TNC: variants seen among roughly 807,000 people sequenced by gnomAD.
TNC encodes tenascin.
In TNC, 109 loss-of-function variants were observed where a neutral mutation model predicts 202.4. The ratio of observed to expected loss-of-function variants is 0.54; its 90% CI spans 0.46 to 0.63. The LOEUF is 0.63. Ranked by LOEUF, TNC falls within the 30% of genes least tolerant of loss-of-function variation. The probability of loss-of-function intolerance (pLI) is 0.00; values close to 1 mark genes in which losing one functional copy is unlikely to be tolerated. For missense variants in TNC, 2,756 were observed against 2,833.3 expected (o/e 0.97, Z 0.62); for synonymous variants, 1,007 against 1,089.7 (o/e 0.92, Z 1.50).
Position 115,046,485 on chromosome 9 carries a change from T to C in TNC, c.5050A>G (p.Thr1684Ala). The C allele has an allele frequency of 6.2e-7, 1 of 1,614,204 alleles. No individual in the cohort carries two copies. The highest frequency in any genetic ancestry group is 8.5e-7 in the Non-Finnish European group (1 of 1,180,008). Residue 1684 changes from threonine to alanine, a missense_variant, in exon 17 of 28, where the codon ACT becomes GCT. Thr to Ala is a moderately conservative substitution (Grantham distance 58). This residue lies in a region of TNC where 2,559 missense variants were observed against 2,546.0 expected (regional missense o/e 1.01). Transcript: ENST00000350763. Reference protein sequence around the residue: ...TRDITGLREATEYEIELYGIS... With the variant: ...TRDITGLREAAEYEIELYGIS... ...CCATAGAGTTCAATTTCGTATTCAGTAGCCTCTCTGAGACCTGTTATGTCC... is the reference window on the plus strand; with the variant it reads ...CCATAGAGTTCAATTTCGTATTCAGCAGCCTCTCTGAGACCTGTTATGTCC...
At chr9:115,035,915 G>C in intron 21 of TNC, 183 bp downstream of exon 21, 2 of 677,074 alleles carry the variant, frequency 3.0e-6, no homozygotes, top group South Asian at 2.3e-5. Context: ...AGTTCAAAAG[G>C]AAATAGTGTG....
chr9:115,077,984 C>A lies in TNC; in HGVS notation c.2633G>T (p.Gly878Val). 1 of 1,614,230 alleles carries A rather than the reference C, an allele frequency of 6.2e-7. No homozygotes were observed. The highest frequency in any genetic ancestry group is 1.1e-5 in the South Asian group (1 of 91,086). The change falls in exon 7 of 28, where the codon GGT becomes GTT. Residue 878 changes from glycine (G) to valine (V), a missense_variant. Gly to Val is a moderately radical substitution (Grantham distance 109). Transcript: ENST00000350763. ...TTTGGCTGGGTTGCTTGACATGTCACCTCTGCGGGAGATGAGGGACACCTC... is the reference window on the plus strand; with the variant it reads ...TTTGGCTGGGTTGCTTGACATGTCAACTCTGCGGGAGATGAGGGACACCTC... ...EYEVSLISRR[G>V]DMSSNPAKET... is the part of the protein sequence containing the mutation.
intron 1 of TNC, chr9:115,114,967 CAT>C (rs1293014368): frequency 3.3e-5 from 5 of 152,066 alleles, no homozygotes; most frequent in Non-Finnish European, 5.9e-5. Flanking sequence ...CACAAAAGGA[CAT>C]ATATTTCGAG....
intron 10 of TNC, among the ~76,000 whole-genome samples, chr9:115,065,418 C>A (rs753508930): frequency 6.6e-6 from 1 of 152,084 alleles, no homozygotes; most frequent in Non-Finnish European, 1.5e-5. Context: ...CAAAAAATTT[C>A]TTTTGCCTTC....
rs1202427698 is a variant in TNC, at chr9:115,063,977, C to A, written c.3579G>T (p.Glu1193Asp). ...LNWTAPEGAY[E>D]YFFIQVQEAD... ...CCTCCTGCACCTGAATGAAAAAGTA[C>A]TCATAGGCCCCTTCTGGAGCAGTCC... The change falls in exon 12 of 28, where the codon GAG (glutamate) becomes GAT (aspartate). Residue 1193 changes from glutamate (E) to aspartate (D), a missense_variant. Transcript: ENST00000350763. 1.9e-5 allele frequency: 31 copies of A among 1,613,986 alleles called. No homozygotes were observed. The Admixed American group carries it at 5.2e-4, about 27-fold the overall frequency.
At chr9:115,071,610 C>T (rs1487424524) in intron 10 of TNC, among the ~76,000 whole-genome samples, 4 of 152,090 alleles carry the variant, frequency 2.6e-5, no homozygotes, top group Middle Eastern at 3.4e-3. Context: ...GTGGCCATCA[C>T]CAGAAGGTGG....
intron 1 of TNC, among the ~76,000 whole-genome samples, chr9:115,114,449 G>A (rs572343549): frequency 6.6e-6 from 1 of 152,314 alleles, no homozygotes; most frequent in Admixed American, 6.5e-5. Flanking sequence ...ATGAAAATCA[G>A]CAGGAGTGAC....
intron 5 of TNC, 56 bp from the exon 6 acceptor site, chr9:115,081,984 A>G: frequency 6.7e-7 from 1 of 1,488,792 alleles, no homozygotes; most frequent in African/African-American, 1.4e-5. Context: ...CTCTTAATTT[A>G]TGTGATTCAT....
chr9:115,095,968 T>A (rs952108160), intron 1 of TNC, among the ~76,000 whole-genome samples: 22 of 152,118 alleles, frequency 1.4e-4, no homozygotes, highest in African/African-American at 5.3e-4. Context: ...GGGTCCCATA[T>A]CCAGGACAAA....
intron 1 of TNC, among the ~76,000 whole-genome samples, chr9:115,110,226 A>T (rs1273441888): frequency 6.6e-6 from 1 of 152,238 alleles, no homozygotes; most frequent in Non-Finnish European, 1.5e-5. Context: ...TAAAAAGAAT[A>T]AAAGGGTTGA....
At chr9:115,044,745 T>G (rs776014053) in intron 17 of TNC, among the ~76,000 whole-genome samples, 2 of 150,904 alleles carry the variant, frequency 1.3e-5, no homozygotes, top group Non-Finnish European at 3.0e-5. Context: ...GACTGAGACC[T>G]GCATCCCAGG....
intron 1 of TNC, chr9:115,114,939 G>C (rs1425528572): frequency 2.0e-5 from 2 of 99,002 alleles, no homozygotes; most frequent in African/African-American, 7.4e-5. Context: ...TTAACTTTGT[G>C]TTTGTGTGTT....
rs372565305 is a variant in TNC at position 115,090,911 on chromosome 9, C to T, written c.108G>A (p.Gly36=). 1.7e-5 allele frequency: 27 copies of T among 1,614,076 alleles called. No homozygotes were observed. Among genetic ancestry groups the T allele is most frequent in the Non-Finnish European group, 2.1e-5 (25 of 1,180,020 alleles). Residue 36 remains glycine (G), a synonymous_variant, in exon 2 of 28, where the codon GGG becomes GGA. Transcript: ENST00000350763. ...KKVIRHKRQS[G]VNATLPEENQ... Reference sequence around the variant, plus strand: ...TCTCTTCTGGCAGGGTGGCGTTCACCCCACTCTGTCGCTTGTGCCGGATGA... The same window carrying T: ...TCTCTTCTGGCAGGGTGGCGTTCACTCCACTCTGTCGCTTGTGCCGGATGA...
At chr9:115,105,652 TAG>T (rs1444911278) in intron 1 of TNC, among the ~76,000 whole-genome samples, 1 of 152,090 alleles carries the variant, frequency 6.6e-6, no homozygotes, top group Admixed American at 6.6e-5. Context: ...ATCTGAAAAA[TAG>T]AGATATGTCT....
intron 1 of TNC, among the ~76,000 whole-genome samples, chr9:115,117,779 A>T (rs1446978589): frequency 6.6e-6 from 1 of 152,246 alleles, no homozygotes; most frequent in Non-Finnish European, 1.5e-5. Context: ...GACTATTCAT[A>T]AAGTTAAAAC....
At position 115,086,611 on chromosome 9, in the gene TNC, C is replaced by T. The variant is rs779255934; in HGVS notation, c.1120G>A (p.Glu374Lys). Residue 374 changes from glutamate (E) to lysine (K), a missense_variant, in exon 3 of 28, where the codon GAG becomes AAG. Glu to Lys is a moderately conservative substitution (Grantham distance 56, BLOSUM62 1). Around this residue, in one of 2 missense-constraint regions of TNC, gnomAD observed 2,559 missense variants for 2,546.0 expected, o/e 1.01. Transcript: ENST00000350763. ...TGACAGTCAGCAGGACACCTCTTCTCGCTGCAGTCCACACCGGCAAAGCCC... is the reference window on the plus strand; with the variant it reads ...TGACAGTCAGCAGGACACCTCTTCTTGCTGCAGTCCACACCGGCAAAGCCC... The part of the protein sequence containing the change: ...DEGFAGVDCS[E>K]KRCPADCHNR... 7.4e-6 allele frequency: 12 copies of T among 1,614,008 alleles called. No homozygotes were observed. Among genetic ancestry groups the T allele is most frequent in the East Asian group, 2.2e-5 (1 of 44,888 alleles).
intron 1 of TNC, among the ~76,000 whole-genome samples, chr9:115,116,631 C>T (rs1195210617): frequency 6.6e-6 from 1 of 152,202 alleles, no homozygotes; most frequent in Non-Finnish European, 1.5e-5. Flanking sequence ...GCCCTCCCTC[C>T]GGACAGAAAG....
At chr9:115,024,731 T>C (rs1829347475) in intron 26 of TNC, among the ~76,000 whole-genome samples, 1 of 152,220 alleles carries the variant, frequency 6.6e-6, no homozygotes, top group Non-Finnish European at 1.5e-5. Flanking sequence ...CTGTATCACA[T>C]AGTTACTTTT....
At chr9:115,068,023 G>C (rs1229912183) in intron 10 of TNC, among the ~76,000 whole-genome samples, 2 of 152,034 alleles carry the variant, frequency 1.3e-5, no homozygotes, top group Admixed American at 1.3e-4. Context: ...TAAAGAGAGA[G>C]GGGGTCAGAA....
Sources: gnomAD v4.1 joint callset for allele counts (sites outside exome capture counted in the v4.1 genomes callset) on GRCh38, gnomAD v4.1.1 for gene constraint, gnomAD v4.1.1 regional missense constraint, MANE v1.5 for transcripts, NCBI Gene and HGNC (gene_info 2026-07-23, HGNC 2026-07-21) for gene names.